The following DNM2 variants were observed in gnomAD, a reference collection of about 807,000 sequenced individuals.
The protein encoded by DNM2 is dynamin 2.
DNM2 carries 15 observed loss-of-function variants against 99.0 expected under a neutral mutation model. That is an observed-to-expected ratio of 0.15 (90% CI 0.10 to 0.23). The LOEUF (loss-of-function observed/expected upper bound fraction) is 0.23. Among genes scored for constraint, DNM2 ranks in the 10% least tolerant of loss-of-function variants. The probability of loss-of-function intolerance (pLI) is 1.00; values close to 1 mark genes in which losing one functional copy is unlikely to be tolerated. For synonymous variants in DNM2, 525 were observed against 481.2 expected (o/e 1.09, Z -1.19); for missense variants, 742 against 1,189.4 (o/e 0.62, Z 5.53).
rs35844438 is a variant in DNM2, at chr19:10,754,259, C to CT, written c.162-5464dup. Among the ~76,000 whole-genome samples, 1,390 of 142,032 alleles carry CT rather than the reference C, an allele frequency of 9.8e-3. 16 individuals are homozygous for CT. Among genetic ancestry groups the CT allele is most frequent in the African/African-American group, 0.019 (751 of 38,882 alleles). 93.2% of individuals were successfully genotyped at this position (142,032 alleles called of 152,430 possible). On this transcript the variant is annotated intron_variant, in intron 1 of 20. Coordinates refer to ENST00000389253, the MANE Select transcript of DNM2 (RefSeq NM_001005361.3). The stretch of plus-strand genomic sequence containing the variant: ...GTTAGATATAGTTAATCGCTTAAGT[C>CT]TTTTTTTTTTTTTTTGAGACGGAGT...
At chr19:10,773,632 T>A (rs1004370487) in intron 3 of DNM2, among the ~76,000 whole-genome samples, 34 of 151,638 alleles carry the variant, frequency 2.2e-4, no homozygotes, top group Non-Finnish European at 3.8e-4. Context: ...TTTTATTTTT[T>A]ATTTTTTTTA....
At position 10,777,082 on chromosome 19, in the gene DNM2, G is replaced by A. The variant is rs770501757; in HGVS notation, c.590-36G>A. 2.1e-5 allele frequency: 33 copies of A among 1,605,428 alleles called. No individual in the cohort carries two copies. The African/African-American group carries it at 4.4e-4, about 21-fold the overall frequency. On this transcript the variant is annotated intron_variant, in intron 4 of 20. Coordinates refer to ENST00000389253, the MANE Select transcript of DNM2 (RefSeq NM_001005361.3). ...CTGCCAGCTGATGCTCTTTCCTGGT[G>A]GCAGCCTCTGACCTCTGACCTCTGG... is the stretch of plus-strand genomic sequence containing the variant.
intron 2 of DNM2, among the ~76,000 whole-genome samples, chr19:10,767,965 C>G (rs1359393025): frequency 6.6e-6 from 1 of 152,148 alleles, no homozygotes; most frequent in African/African-American, 2.4e-5. Flanking sequence ...TTCACCATGC[C>G]AGGGAGCCCT....
rs2071123375 is a variant in DNM2, at chr19:10,775,495, T to C, written c.386-208T>C. On this transcript the variant is annotated intron_variant, in intron 3 of 20. Transcript: ENST00000389253. The surrounding 1 kb of genome is among the most constrained non-coding windows in gnomAD (Gnocchi z 4.3). ...CTGTCCTGATTTAGAACTGTGCCAT[T>C]GAAATGGAGTAGGTAGAAGGTATCT... is the stretch of plus-strand genomic sequence containing the variant. 6.6e-6 allele frequency among the ~76,000 whole-genome samples: 1 copy of C among 152,168 alleles called. No individual in the cohort carries two copies. The highest frequency in any genetic ancestry group is 2.1e-4 in the South Asian group (1 of 4,830).
chr19:10,752,486 A>G (rs2070230955), intron 1 of DNM2, among the ~76,000 whole-genome samples: 1 of 152,238 alleles, frequency 6.6e-6, no homozygotes, highest in East Asian at 1.9e-4. Flanking sequence ...CGCCTCAGAC[A>G]CAAAGTGGAG....
intron 19 of DNM2, 152 bp downstream of exon 19, chr19:10,829,420 C>T (rs1599639609): frequency 2.9e-5 from 30 of 1,042,462 alleles, no homozygotes; most frequent in Middle Eastern, 2.8e-4. Context: ...CTGCTGAGGC[C>T]GGAGGAGGGA....
At chr19:10,745,509 A>G (rs1185097139) in intron 1 of DNM2, among the ~76,000 whole-genome samples, 1 of 152,092 alleles carries the variant, frequency 6.6e-6, no homozygotes, top group Non-Finnish European at 1.5e-5. Context: ...AGGATCGCCT[A>G]GGCAGCATAT....
intron 1 of DNM2, among the ~76,000 whole-genome samples, chr19:10,724,271 A>G (rs552461128): frequency 1.1e-4 from 16 of 152,186 alleles, no homozygotes; most frequent in Non-Finnish European, 1.6e-4. Flanking sequence ...TCCGCCTCCC[A>G]GGTTCACGCC....
rs2072801325 is a variant in DNM2 at position 10,817,674 on chromosome 19, T to G, written c.1672-2306T>G. ...CTCGCATCTGGAGAAAGTTCTGGGT[T>G]TTCAGGAAATCCTAAAGAGTGGGGG... is the stretch of plus-strand genomic sequence containing the variant. On this transcript the variant is annotated intron_variant, in intron 15 of 20. Coordinates refer to ENST00000389253, the MANE Select transcript of DNM2 (RefSeq NM_001005361.3). This position sits in a 1 kb window ranked among gnomAD's most constrained non-coding sequence, Gnocchi z 4.6. Among the ~76,000 whole-genome samples the G allele has an allele frequency of 6.7e-6, 1 of 149,922 alleles. No homozygotes were observed. The highest frequency in any genetic ancestry group is 2.5e-5 in the African/African-American group (1 of 40,636).
chr19:10,815,935 G>A (rs3786718), intron 15 of DNM2, among the ~76,000 whole-genome samples: 9,008 of 152,178 alleles, frequency 0.059, 607 homozygotes, highest in East Asian at 0.36. Flanking sequence ...AGAGAGGCGG[G>A]CCTCTTGGCT....
In DNM2 at chr19:10,795,748, G is replaced by T; in HGVS notation, c.1196+309G>T. The T allele has an allele frequency of 1.7e-6, 1 of 579,330 alleles. No individual in the cohort carries two copies. Among genetic ancestry groups the T allele is most frequent in the Non-Finnish European group, 3.1e-6 (1 of 325,362 alleles). The allele number at this position is 579,330 out of a possible 1,614,324, so 35.9% of individuals were successfully genotyped here. A position where few individuals can be genotyped will look rare whatever the true frequency, so the allele number is the denominator to read the frequency against. On this transcript the variant is annotated intron_variant, in intron 9 of 20. Coordinates refer to ENST00000389253, the MANE Select transcript of DNM2 (RefSeq NM_001005361.3). This position sits in a 1 kb window ranked among gnomAD's most constrained non-coding sequence, Gnocchi z 4.2. ...AAGAATGCTCACTGCAGATTTGCCT[G>T]GGGAGGGGCGGGGCGGCACTGAATC...
At chr19:10,739,203 T>C (rs953708103) in intron 1 of DNM2, among the ~76,000 whole-genome samples, 2 of 152,212 alleles carry the variant, frequency 1.3e-5, no homozygotes, top group African/African-American at 4.8e-5. Flanking sequence ...AAGAAGGACG[T>C]GTTCCCTTGT....
rs995339304 is a variant in DNM2, at chr19:10,801,925, C to A, written c.1423-363C>A. 4.2e-3 allele frequency among the ~76,000 whole-genome samples: 611 copies of A among 144,262 alleles called. 3 individuals are homozygous for A. The highest frequency in any genetic ancestry group is 0.011 in the African/African-American group (440 of 39,286). 94.6% of individuals were successfully genotyped at this position (144,262 alleles called of 152,430 possible). A position where few individuals can be genotyped will look rare whatever the true frequency, so the allele number is the denominator to read the frequency against. On this transcript the variant is annotated intron_variant, in intron 11 of 20. Transcript: ENST00000389253. Reference sequence around the variant, plus strand: ...GTCTCGAAGAAAAAAAAAAAAAAAACAAAAAAAACAACTGCACATTATTAA... The same window carrying A: ...GTCTCGAAGAAAAAAAAAAAAAAAAAAAAAAAAACAACTGCACATTATTAA...
intron 10 of DNM2, among the ~76,000 whole-genome samples, chr19:10,798,041 G>T (rs2071999613): frequency 6.6e-6 from 1 of 152,136 alleles, no homozygotes; most frequent in Non-Finnish European, 1.5e-5. Flanking sequence ...GATCAGGAGT[G>T]GTTCTCTGCA....
At chr19:10,792,152 G>A (rs1190940581) in intron 7 of DNM2, among the ~76,000 whole-genome samples, 1 of 152,180 alleles carries the variant, frequency 6.6e-6, no homozygotes, top group African/African-American at 2.4e-5. Flanking sequence ...AGGCCTTTGT[G>A]TGTCTCCTGG....
chr19:10,782,933 C>T (rs750341512), intron 5 of DNM2, 27 bp from the exon 6 acceptor site: 11 of 1,613,890 alleles, frequency 6.8e-6, no homozygotes, highest in Non-Finnish European at 9.3e-6. Context: ...CTAGCTTTGC[C>T]CCTGACCTGA....
At chr19:10,762,942 A>G (rs931939584) in intron 2 of DNM2, among the ~76,000 whole-genome samples, 1 of 152,166 alleles carries the variant, frequency 6.6e-6, no homozygotes, top group Non-Finnish European at 1.5e-5. Flanking sequence ...GCATAGTTGC[A>G]TCCTGTTGGG....
chr19:10,729,659 G>T (rs1189070449), intron 1 of DNM2, among the ~76,000 whole-genome samples: 1 of 152,140 alleles, frequency 6.6e-6, no homozygotes, highest in Non-Finnish European at 1.5e-5. Context: ...TTTGAATTAC[G>T]CAAGTAGAGC....
At chr19:10,753,216 C>T (rs1599480365) in intron 1 of DNM2, among the ~76,000 whole-genome samples, 1 of 152,298 alleles carries the variant, frequency 6.6e-6, no homozygotes, top group East Asian at 1.9e-4. Context: ...ATTAGCTACT[C>T]TAATGTTTTG....
Sources: gnomAD v4.1 joint callset for allele counts (sites outside exome capture counted in the v4.1 genomes callset) on GRCh38, gnomAD v4.1.1 for gene constraint, Gnocchi (gnomAD v3.1) non-coding constraint, MANE v1.5 for transcripts, NCBI Gene and HGNC (gene_info 2026-07-23, HGNC 2026-07-21) for gene names.